Variants in WIPF3 observed in about 807,000 individuals in gnomAD.
The protein encoded by WIPF3 is WAS/WASL interacting protein family member 3, also known as WAS/WASL-interacting protein family member 3.
A neutral mutation model predicts 38.9 loss-of-function variants in WIPF3; 33 were observed. The ratio of observed to expected loss-of-function variants is 0.85; its 90% CI spans 0.64 to 1.14. The LOEUF (loss-of-function observed/expected upper bound fraction) is 1.14, where lower values mean the gene tolerates loss of function less well. Among genes scored for constraint, WIPF3 ranks in the 50% most tolerant of loss-of-function variants. WIPF3 has a pLI of 0.00. For synonymous variants in WIPF3, 324 were observed against 269.3 expected, an observed-to-expected ratio of 1.20 and a Z score of -1.99; for missense variants, 711 against 652.5, an observed-to-expected ratio of 1.09 and a Z score of -0.98.
intron 7 of WIPF3, among the ~76,000 whole-genome samples, chr7:29,892,390 G>A (rs143273593): frequency 7.6e-4 from 116 of 152,348 alleles, no homozygotes; most frequent in African/African-American, 2.6e-3. Context: ...AAGGAGATAA[G>A]GGTGCCTTCT....
At chr7:29,831,123 A>AT (rs938832650) in intron 1 of WIPF3, among the ~76,000 whole-genome samples, 11 of 152,160 alleles carry the variant, frequency 7.2e-5, no homozygotes, top group African/African-American at 2.7e-4. Flanking sequence ...GTAATGCCAC[A>AT]TTTTTTCCAA....
rs546619926 is a variant in WIPF3 at position 29,860,365 on chromosome 7, C to T, written c.91-15465C>T. ...TCATGGGGACAGCTCCCCATGAGTT[C>T]GTTCTTGCTGTATTAGTTCCCTCCA... On this transcript the variant is annotated intron_variant, in intron 2 of 8. Transcript: ENST00000242140. Among the ~76,000 whole-genome samples, 6 of 152,072 alleles carry T rather than the reference C, an allele frequency of 3.9e-5. No homozygotes were observed. In the East Asian group the frequency reaches 9.7e-4, roughly 25 times the overall value.
chr7:29,908,394 A>C (rs1786440465), intron 8 of WIPF3, among the ~76,000 whole-genome samples: 2 of 152,214 alleles, frequency 1.3e-5, no homozygotes, highest in African/African-American at 4.8e-5. Context: ...GACCTATAAT[A>C]ATAGCTGAAG....
chr7:29,843,647 C>A (rs1291099473), intron 2 of WIPF3, among the ~76,000 whole-genome samples: 2 of 152,138 alleles, frequency 1.3e-5, no homozygotes, highest in South Asian at 4.1e-4. Context: ...TAGAAAACTG[C>A]CAGCGAACCT....
At chr7:29,813,040 C>T (rs1259605448) in intron 1 of WIPF3, among the ~76,000 whole-genome samples, 1 of 152,218 alleles carries the variant, frequency 6.6e-6, no homozygotes, top group Admixed American at 6.5e-5. Flanking sequence ...TCTCTCTGCT[C>T]ATTGACCACC....
chr7:29,902,265 C>CTTTTTTTTTTTTT (rs141174377), intron 7 of WIPF3, among the ~76,000 whole-genome samples: 6 of 116,390 alleles, frequency 5.2e-5, no homozygotes, highest in Non-Finnish European at 1.1e-4. Flanking sequence ...TTTTCTTCTT[C>CTTTTTTTTTTTTT]TTCTTCTTCT....
chr7:29,832,338 G>A (rs897356863), intron 1 of WIPF3, among the ~76,000 whole-genome samples: 19 of 149,826 alleles, frequency 1.3e-4, no homozygotes, highest in Non-Finnish European at 2.7e-4. Flanking sequence ...CTGCATCCAA[G>A]TTGCCTTAGC....
At chr7:29,828,946 A>T (rs913797314) in intron 1 of WIPF3, among the ~76,000 whole-genome samples, 12 of 152,196 alleles carry the variant, frequency 7.9e-5, no homozygotes, top group African/African-American at 2.9e-4. Context: ...GTCATTGAAG[A>T]GCCTCCGTCA....
At chr7:29,848,107 CT>C (rs1221087026) in intron 2 of WIPF3, among the ~76,000 whole-genome samples, 1 of 152,140 alleles carries the variant, frequency 6.6e-6, no homozygotes, top group Non-Finnish European at 1.5e-5. Flanking sequence ...CTTCTCTCCT[CT>C]TTTGCTGAGT....
chr7:29,824,235 T>G (rs1784581548), intron 1 of WIPF3, among the ~76,000 whole-genome samples: 1 of 152,096 alleles, frequency 6.6e-6, no homozygotes, highest in Non-Finnish European at 1.5e-5. Flanking sequence ...TTGGCCCTGG[T>G]GGGGCAGAGC....
At chr7:29,849,717 G>A (rs1220643862) in intron 2 of WIPF3, among the ~76,000 whole-genome samples, 2 of 152,188 alleles carry the variant, frequency 1.3e-5, no homozygotes, top group Admixed American at 1.3e-4. Context: ...AAAAAAATTT[G>A]TGTGCATACA....
intron 1 of WIPF3, among the ~76,000 whole-genome samples, chr7:29,831,903 GC>G (rs1784729217): frequency 6.6e-6 from 1 of 152,232 alleles, no homozygotes; most frequent in Admixed American, 6.5e-5. Flanking sequence ...TGCAAGGGAG[GC>G]TGGGAGATGC....
chr7:29,895,113 G>C (rs570585353), intron 7 of WIPF3, among the ~76,000 whole-genome samples: 2 of 152,080 alleles, frequency 1.3e-5, no homozygotes, highest in African/African-American at 4.8e-5. Context: ...GCTAATTTTT[G>C]TATTTTCAGT....
chr7:29,899,521 G>C (rs1217713225), intron 7 of WIPF3, among the ~76,000 whole-genome samples: 1 of 152,162 alleles, frequency 6.6e-6, no homozygotes, highest in East Asian at 1.9e-4. Context: ...AATAAAGTGA[G>C]GCACACAGAC....
At chr7:29,822,123 G>GTTTTTTTTTTTTTTTTTTTTTTTTTTTAT in intron 1 of WIPF3, among the ~76,000 whole-genome samples, 1 of 62,876 alleles carries the variant, frequency 1.6e-5, no homozygotes, top group African/African-American at 7.0e-5. Context: ...TTTTTTCTTA[G>GTTTTTTTTTTTTTTTTTTTTTTTTTTTAT]TTTTTTTTTT....
At chr7:29,818,128 A>G (rs1015658328) in intron 1 of WIPF3, among the ~76,000 whole-genome samples, 5 of 152,160 alleles carry the variant, frequency 3.3e-5, no homozygotes, top group African/African-American at 1.2e-4. Flanking sequence ...GGTTTGGAAG[A>G]GCTACCTTTT....
At chr7:29,894,646 G>A (rs1036143172) in intron 7 of WIPF3, among the ~76,000 whole-genome samples, 1 of 152,116 alleles carries the variant, frequency 6.6e-6, no homozygotes, top group Non-Finnish European at 1.5e-5. Context: ...GGCTCCCCAA[G>A]ATGAGTTCTT....
chr7:29,898,832 G>C lies in WIPF3; in HGVS notation c.1352-5454G>C, dbSNP rs563673263. Among the ~76,000 whole-genome samples the C allele has an allele frequency of 4.6e-5, 7 of 152,156 alleles. No individual in the cohort carries two copies. In the South Asian group the frequency reaches 1.0e-3, roughly 23 times the overall value. On this transcript the variant is annotated intron_variant, in intron 7 of 8. Coordinates refer to ENST00000242140, the MANE Select transcript of WIPF3 (RefSeq NM_001080529.3). ...TACAAACTATTTTTTACAAAATTTA[G>C]GTTTTATTTTGTGTACTTTTTAGTA... is the stretch of plus-strand genomic sequence containing the variant.
At chr7:29,899,909 T>TTTTA (rs1391399342) in intron 7 of WIPF3, among the ~76,000 whole-genome samples, 2 of 152,140 alleles carry the variant, frequency 1.3e-5, no homozygotes, top group East Asian at 1.9e-4. Flanking sequence ...CACCAAAATA[T>TTTTA]TTTATTTATT....
Sources: allele counts gnomAD v4.1 joint callset (sites outside exome capture counted in the v4.1 genomes callset), GRCh38; gene constraint gnomAD v4.1.1; transcripts MANE v1.5; gene names NCBI Gene and HGNC (gene_info 2026-07-23, HGNC 2026-07-21).